GNAT1: variants seen among roughly 807,000 people sequenced by gnomAD.
GNAT1 encodes the protein guanine nucleotide-binding protein G(t) subunit alpha-1.
Under a neutral mutation model 40.0 loss-of-function variants are expected in GNAT1, and 36 were observed. That is an observed-to-expected ratio of 0.90 (90% CI 0.69 to 1.19). GNAT1 has a LOEUF of 1.19. GNAT1 is among the 50% of genes most tolerant of loss of function. The probability of loss-of-function intolerance (pLI) is 0.00; values close to 1 mark genes in which losing one functional copy is unlikely to be tolerated. For missense variants in GNAT1, 413 were observed against 480.6 expected, an observed-to-expected ratio of 0.86 and a Z score of 1.32; for synonymous variants, 195 against 192.9, an observed-to-expected ratio of 1.01 and a Z score of -0.09.
rs965873488 is a variant in GNAT1 at position 50,193,527 on chromosome 3, C to T, written c.313C>T (p.His105Tyr). Residue 105 changes from histidine (H) to tyrosine (Y), a missense_variant, in exon 4 of 9, where the codon CAC becomes TAC. Coordinates refer to ENST00000232461, the MANE Select transcript of GNAT1 (RefSeq NM_144499.3). This position sits in a 1 kb window ranked among gnomAD's most constrained non-coding sequence, Gnocchi z 8.1. ...CCAGGACGACGCCCGGAAGCTGATG[C>T]ACATGGCAGACACTATCGAGGAGGG... ...ARQDDARKLM[H>Y]MADTIEEGTM... The T allele has an allele frequency of 3.1e-6, 5 of 1,613,304 alleles. No individual in the cohort carries two copies. In the African/African-American group the frequency reaches 5.3e-5, roughly 17 times the overall value.
Position 50,194,040 on chromosome 3 carries a change from G to A in GNAT1, c.579-52G>A, listed in dbSNP as rs537740717. ...CTCCCCGACCAGCACAGGGCGAAGG[G>A]ATGTTGCCTGTGGGGCCCGGGGCGC... is the stretch of plus-strand genomic sequence containing the variant. On this transcript the variant is annotated intron_variant, in intron 5 of 8. Coordinates refer to ENST00000232461, the MANE Select transcript of GNAT1 (RefSeq NM_144499.3). The surrounding 1 kb of genome is among the most constrained non-coding windows in gnomAD (Gnocchi z 6.1). The A allele has an allele frequency of 6.2e-7, 1 of 1,610,892 alleles. No homozygotes were observed. The highest frequency in any genetic ancestry group is 1.1e-5 in the South Asian group (1 of 90,958).
In GNAT1 at chr3:50,193,380, A is replaced by C. The variant is rs1375880116; in HGVS notation, c.265A>C (p.Ile89Leu). ...AIVRAMTTLN[I>L]QYGDSARQDD... is the part of the protein sequence containing the mutation. ...CGTACGCGCCATGACCACACTCAAC[A>C]TCCAGTACGGAGACTCTGCACGCCA... Residue 89 changes from isoleucine (I) to leucine (L), a missense_variant, in exon 3 of 9, where the codon ATC becomes CTC. By Grantham distance (5) the Ile-to-Leu change is conservative. Coordinates refer to ENST00000232461, the MANE Select transcript of GNAT1 (RefSeq NM_144499.3). The surrounding 1 kb of genome is among the most constrained non-coding windows in gnomAD (Gnocchi z 8.1). 1 of 1,613,976 alleles carries C rather than the reference A, an allele frequency of 6.2e-7. No homozygotes were observed. The highest frequency in any genetic ancestry group is 2.2e-5 in the East Asian group (1 of 44,870).
chr3:50,193,174 A>G lies in GNAT1; in HGVS notation c.148A>G (p.Lys50Glu). The G allele has an allele frequency of 6.2e-7, 1 of 1,613,948 alleles. No individual in the cohort carries two copies. Among genetic ancestry groups the G allele is most frequent in the Non-Finnish European group, 8.5e-7 (1 of 1,179,956 alleles). ...GAAGAGCACCATCGTCAAGCAGATGAAGTGAGTGCCCCTGCCTGTCCCGAG... is the reference window on the plus strand; with the variant it reads ...GAAGAGCACCATCGTCAAGCAGATGGAGTGAGTGCCCCTGCCTGTCCCGAG... ...SGKSTIVKQM[K>E]IIHQDGYSLE... is the part of the protein sequence containing the mutation. The change falls in exon 2 of 9, where the codon AAG becomes GAG. Residue 50 changes from lysine to glutamate, a missense_variant and splice_region_variant. Transcript: ENST00000232461. The surrounding 1 kb of genome is among the most constrained non-coding windows in gnomAD (Gnocchi z 8.1).
In GNAT1 at chr3:50,193,023, T is replaced by A. The variant is rs879072376; in HGVS notation, c.107-110T>A. 53 of 1,100,794 alleles carry A rather than the reference T, an allele frequency of 4.8e-5. No individual in the cohort carries two copies. The highest frequency in any genetic ancestry group is 9.9e-5 in the South Asian group (7 of 70,948). 68.2% of individuals were successfully genotyped at this position (1,100,794 alleles called of 1,614,324 possible). ...CGGGGTCGGGGCTGGCGCTCAGGCC[T>A]CTTCGCTGCGGGTCCACCCTGCCAA... is the stretch of plus-strand genomic sequence containing the variant. On this transcript the variant is annotated intron_variant, in intron 1 of 8. Coordinates refer to ENST00000232461, the MANE Select transcript of GNAT1 (RefSeq NM_144499.3). The surrounding 1 kb of genome is among the most constrained non-coding windows in gnomAD (Gnocchi z 8.1).
At position 50,194,212 on chromosome 3, in the gene GNAT1, C is replaced by T. The variant is rs746390516; in HGVS notation, c.699C>T (p.Asp233=). 16 of 1,608,462 alleles carry T rather than the reference C, an allele frequency of 9.9e-6. No individual in the cohort carries two copies. Among genetic ancestry groups the T allele is most frequent in the Non-Finnish European group, 1.3e-5 (15 of 1,177,470 alleles). Residue 233 remains aspartate, a synonymous_variant, in exon 6 of 9, where the codon GAC becomes GAT. Transcript: ENST00000232461. The surrounding 1 kb of genome is among the most constrained non-coding windows in gnomAD (Gnocchi z 6.1). The part of the protein sequence containing the change: ...LSAYDMVLVE[D]DEVNRMHESL... ...CCTACGACATGGTGCTAGTGGAGGA[C>T]GACGAAGTGGTGCGTGCCAGGCAGG...
Position 50,193,317 on chromosome 3 carries a change from A to G in GNAT1, c.202A>G (p.Ile68Val). The change falls in exon 3 of 9, where the codon ATC (isoleucine) becomes GTC (valine). Residue 68 changes from isoleucine (I) to valine (V), a missense_variant. Coordinates refer to ENST00000232461, the MANE Select transcript of GNAT1 (RefSeq NM_144499.3). The surrounding 1 kb of genome is among the most constrained non-coding windows in gnomAD (Gnocchi z 8.1). The stretch of plus-strand genomic sequence containing the variant: ...GGAAGAGTGCCTCGAGTTTATCGCC[A>G]TCATCTACGGCAACACGTTGCAGTC... ...SLEECLEFIAIIYGNTLQSIL... is the reference protein window; with the variant it reads ...SLEECLEFIAVIYGNTLQSIL... 1 of 1,614,088 alleles carries G rather than the reference A, an allele frequency of 6.2e-7. No homozygotes were observed. Among genetic ancestry groups the G allele is most frequent in the African/African-American group, 1.3e-5 (1 of 75,036 alleles).
chr3:50,196,226 C>G lies in GNAT1; in HGVS notation c.*960C>G, dbSNP rs1311281085. The G allele has an allele frequency of 6.6e-6, 1 of 152,268 alleles. No homozygotes were observed. 9.4% of individuals were successfully genotyped at this position (152,268 alleles called of 1,614,324 possible). ...GGTCTACCTCAGGTGGGGTTACAAG[C>G]AAACCTGGGTGACCCTCTTGTCCCT... On this transcript the variant is annotated 3_prime_UTR_variant, in exon 9 of 9. Transcript: ENST00000232461.
Position 50,194,180 on chromosome 3 carries a change from C to T in GNAT1, c.667C>T (p.Leu223=). 6.2e-7 allele frequency: 1 copy of T among 1,613,492 alleles called. No individual in the cohort carries two copies. Among genetic ancestry groups the T allele is most frequent in the Non-Finnish European group, 8.5e-7 (1 of 1,179,680 alleles). The change falls in exon 6 of 9, where the codon CTG becomes TTG. Residue 223 remains leucine, a synonymous_variant. Coordinates refer to ENST00000232461, the MANE Select transcript of GNAT1 (RefSeq NM_144499.3). This position sits in a 1 kb window ranked among gnomAD's most constrained non-coding sequence, Gnocchi z 6.1. ...GACCTGCATCATCTTCATCGCGGCG[C>T]TGAGCGCCTACGACATGGTGCTAGT... ...GVTCIIFIAA[L]SAYDMVLVED...
chr3:50,192,080 G>A (rs1293008736), intron 1 of GNAT1, among the ~76,000 whole-genome samples: 1 of 152,226 alleles, frequency 6.6e-6, no homozygotes, highest in East Asian at 1.9e-4. Context: ...CTCCCCAGAA[G>A]TGCGTGCCAA....
At position 50,193,044 on chromosome 3, in the gene GNAT1, G is replaced by C; in HGVS notation, c.107-89G>C. On this transcript the variant is annotated intron_variant, in intron 1 of 8. Coordinates refer to ENST00000232461, the MANE Select transcript of GNAT1 (RefSeq NM_144499.3). The surrounding 1 kb of genome is among the most constrained non-coding windows in gnomAD (Gnocchi z 8.1). ...GGCCTCTTCGCTGCGGGTCCACCCT[G>C]CCAACTCGGGAGGTCCCCGTCCTCC... 7.1e-7 allele frequency: 1 copy of C among 1,416,094 alleles called. No homozygotes were observed. Among genetic ancestry groups the C allele is most frequent in the South Asian group, 1.2e-5 (1 of 86,176 alleles). 87.7% of individuals were successfully genotyped at this position (1,416,094 alleles called of 1,614,324 possible). A position where few individuals can be genotyped will look rare whatever the true frequency, so the allele number is the denominator to read the frequency against.
chr3:50,195,375 C>A lies in GNAT1; in HGVS notation c.*109C>A. 3.5e-6 allele frequency: 1 copy of A among 285,554 alleles called. No homozygotes were observed. The highest frequency in any genetic ancestry group is 9.0e-5 in the East Asian group (1 of 11,140). 17.7% of individuals were successfully genotyped at this position (285,554 alleles called of 1,614,324 possible). The stretch of plus-strand genomic sequence containing the variant: ...GCCCCCTGGGACTCCCTGGCCCCAA[C>A]CTGCCACCTCACCAAAGCTCTGAGC... On this transcript the variant is annotated 3_prime_UTR_variant, in exon 9 of 9. Transcript: ENST00000232461.
chr3:50,193,472 T>C lies in GNAT1; in HGVS notation c.292-34T>C, dbSNP rs970149140. 1 of 1,605,254 alleles carries C rather than the reference T, an allele frequency of 6.2e-7. No homozygotes were observed. The highest frequency in any genetic ancestry group is 8.5e-7 in the Non-Finnish European group (1 of 1,177,408). On this transcript the variant is annotated intron_variant, in intron 3 of 8. Coordinates refer to ENST00000232461, the MANE Select transcript of GNAT1 (RefSeq NM_144499.3). The surrounding 1 kb of genome is among the most constrained non-coding windows in gnomAD (Gnocchi z 8.1). The stretch of plus-strand genomic sequence containing the variant: ...AGGCTCGCGGCTGGGCCCGAGTCCC[T>C]GGCCGCCACCAGCCACTCTCACCCT...
In GNAT1 at chr3:50,196,753, T is replaced by C. The variant is rs1187404173; in HGVS notation, c.*1487T>C. Reference sequence around the variant, plus strand: ...GGGACAGTCTTGGATCAAGAGGGAGTTTTGAGGTGGAGGCTCATTCTGGCA... The same window carrying C: ...GGGACAGTCTTGGATCAAGAGGGAGCTTTGAGGTGGAGGCTCATTCTGGCA... On this transcript the variant is annotated 3_prime_UTR_variant, in exon 9 of 9. Coordinates refer to ENST00000232461, the MANE Select transcript of GNAT1 (RefSeq NM_144499.3). 6.6e-6 allele frequency among the ~76,000 whole-genome samples: 1 copy of C among 151,224 alleles called. No individual in the cohort carries two copies. Among genetic ancestry groups the C allele is most frequent in the Non-Finnish European group, 1.5e-5 (1 of 67,832 alleles).
At position 50,197,272 on chromosome 3, in the gene GNAT1, GTGT is replaced by G. The variant is rs1345191033; in HGVS notation, c.*2008_*2010del. 6.6e-6 allele frequency among the ~76,000 whole-genome samples: 1 copy of G among 152,136 alleles called. No individual in the cohort carries two copies. The highest frequency in any genetic ancestry group is 1.5e-5 in the Non-Finnish European group (1 of 68,032). On this transcript the variant is annotated 3_prime_UTR_variant, in exon 9 of 9. Coordinates refer to ENST00000232461, the MANE Select transcript of GNAT1 (RefSeq NM_144499.3). Reference sequence around the variant, plus strand: ...CCACTTGCCGGTGTATAGTTTGGTGGTGTTAAGTACATTCATAATGTTGTACAA... The same window carrying G: ...CCACTTGCCGGTGTATAGTTTGGTGGTAAGTACATTCATAATGTTGTACAA...
chr3:50,192,098 C>T (rs1291735905), intron 1 of GNAT1, among the ~76,000 whole-genome samples: 3 of 152,246 alleles, frequency 2.0e-5, no homozygotes, highest in Non-Finnish European at 2.9e-5. Flanking sequence ...CAACCACACT[C>T]TTGCACGGGT....
Position 50,194,142 on chromosome 3 carries a change from G to A in GNAT1, c.629G>A (p.Cys210Tyr). ...QRSERKKWIH[C>Y]FEGVTCIIFI... ...TCGGAGCGCAAGAAGTGGATCCACT[G>A]CTTCGAGGGCGTGACCTGCATCATC... is the stretch of plus-strand genomic sequence containing the variant. The change falls in exon 6 of 9, where the codon TGC becomes TAC. Residue 210 changes from cysteine (C) to tyrosine (Y), a missense_variant. By Grantham distance (194) the Cys-to-Tyr change is radical. Coordinates refer to ENST00000232461, the MANE Select transcript of GNAT1 (RefSeq NM_144499.3). The surrounding 1 kb of genome is among the most constrained non-coding windows in gnomAD (Gnocchi z 6.1). 1 of 1,613,888 alleles carries A rather than the reference G, an allele frequency of 6.2e-7. No individual in the cohort carries two copies. The highest frequency in any genetic ancestry group is 8.5e-7 in the Non-Finnish European group (1 of 1,179,748).
At position 50,194,460 on chromosome 3, in the gene GNAT1, G is replaced by T; in HGVS notation, c.709-41G>T. The T allele has an allele frequency of 6.2e-7, 1 of 1,607,686 alleles. No individual in the cohort carries two copies. The highest frequency in any genetic ancestry group is 1.1e-5 in the South Asian group (1 of 90,780). ...GCCCAGAGAGCAGGTGCTGCGGGTC[G>T]GACGCTACCCCGGGTGCCCAACAGC... On this transcript the variant is annotated intron_variant, in intron 6 of 8. Coordinates refer to ENST00000232461, the MANE Select transcript of GNAT1 (RefSeq NM_144499.3). This position sits in a 1 kb window ranked among gnomAD's most constrained non-coding sequence, Gnocchi z 6.1.
chr3:50,191,738 GC>G lies in GNAT1; in HGVS notation c.15del (p.Ser6ValfsTer14). 1 of 1,612,456 alleles carries G rather than the reference GC, an allele frequency of 6.2e-7. No homozygotes were observed. Among genetic ancestry groups the G allele is most frequent in the Non-Finnish European group, 8.5e-7 (1 of 1,178,494 alleles). On this transcript the variant is annotated frameshift_variant, in exon 1 of 9. Coordinates refer to ENST00000232461, the MANE Select transcript of GNAT1 (RefSeq NM_144499.3). LOFTEE classifies it high-confidence loss of function. MGAG[A>X]SAEEKHSREL... ...TGCTGCTGGGACCATGGGGGCTGGGGCCAGTGCTGAGGAGAAGCACTCCAGG... is the reference window on the plus strand; with the variant it reads ...TGCTGCTGGGACCATGGGGGCTGGGGCAGTGCTGAGGAGAAGCACTCCAGG...
intron 1 of GNAT1, chr3:50,192,802 T>G (rs1699430483): frequency 1.0e-5 from 5 of 498,142 alleles, no homozygotes; most frequent in South Asian, 4.3e-5. Context: ...GCGATGACGC[T>G]CCGGGATTTC....
Sources: allele counts gnomAD v4.1 joint callset (sites outside exome capture counted in the v4.1 genomes callset), GRCh38; gene constraint gnomAD v4.1.1; non-coding constraint Gnocchi (gnomAD v3.1); transcripts MANE v1.5; gene names NCBI Gene and HGNC (gene_info 2026-07-23, HGNC 2026-07-21).